Variants in SLC25A17 observed in about 807,000 individuals in gnomAD.
SLC25A17 encodes peroxisomal membrane protein PMP34.
A neutral mutation model predicts 38.5 loss-of-function variants in SLC25A17; 26 were observed. That is an observed-to-expected ratio of 0.68 (90% CI 0.50 to 0.94). The LOEUF (loss-of-function observed/expected upper bound fraction) is 0.94. Ranked by LOEUF, SLC25A17 falls within the 40% of genes least tolerant of loss-of-function variation. SLC25A17 has a pLI of 0.00. For synonymous variants in SLC25A17, 139 were observed against 136.2 expected, an observed-to-expected ratio of 1.02 and a Z score of -0.14; for missense variants, 333 against 372.7, an observed-to-expected ratio of 0.89 and a Z score of 0.88.
chr22:40,816,209 AAAG>A (rs1164532964), intron 1 of SLC25A17, among the ~76,000 whole-genome samples: 1 of 152,046 alleles, frequency 6.6e-6, no homozygotes, highest in African/African-American at 2.4e-5. Context: ...AAAAAAAAAA[AAAG>A]AAAGAAAGAA....
At chr22:40,812,804 C>A (rs985498222) in intron 1 of SLC25A17, among the ~76,000 whole-genome samples, 4 of 151,884 alleles carry the variant, frequency 2.6e-5, no homozygotes, top group African/African-American at 4.8e-5. Context: ...GAGATTGAGG[C>A]TGCAGTGAGC....
intron 4 of SLC25A17, among the ~76,000 whole-genome samples, chr22:40,781,315 G>A (rs896140303): frequency 2.7e-5 from 4 of 149,676 alleles, no homozygotes; most frequent in East Asian, 3.9e-4. Context: ...GTTCTATCTC[G>A]GCTCACTGCA....
rs1478959714 is a variant in SLC25A17, at chr22:40,789,896, C to A, written c.334+2629G>T. 6.6e-6 allele frequency among the ~76,000 whole-genome samples: 1 copy of A among 151,844 alleles called. No homozygotes were observed. Among genetic ancestry groups the A allele is most frequent in the Non-Finnish European group, 1.5e-5 (1 of 67,942 alleles). ...GCTCAAGTGATCCTCCTGCCTTGAC[C>A]TCCCAAACTGCTGGGATTACAGGGG... On this transcript the variant is annotated intron_variant, in intron 4 of 8. Transcript: ENST00000435456. This position sits in a 1 kb window ranked among gnomAD's most constrained non-coding sequence, Gnocchi z 4.5.
Position 40,770,993 on chromosome 22 carries a change from G to A in SLC25A17, c.777-12C>T, listed in dbSNP as rs1411037089. On this transcript the variant is annotated splice_polypyrimidine_tract_variant and intron_variant, in intron 8 of 8. Coordinates refer to ENST00000435456, the MANE Select transcript of SLC25A17 (RefSeq NM_006358.4). ...TTATTCCAAAACGTCTAAAGGGAAA[G>A]AGGTTTGAAAAAACAGAAGTCAGCT... 5 of 1,547,820 alleles carry A rather than the reference G, an allele frequency of 3.2e-6. No individual in the cohort carries two copies. The Admixed American group carries it at 7.5e-5, about 23-fold the overall frequency.
intron 1 of SLC25A17, among the ~76,000 whole-genome samples, chr22:40,812,258 A>G (rs1419242696): frequency 6.6e-6 from 1 of 151,070 alleles, no homozygotes; most frequent in African/African-American, 2.5e-5. Flanking sequence ...TAAAAAAAAA[A>G]GATGGTTTAT....
rs1014769080 is a variant in SLC25A17, at chr22:40,819,153, C to T, written c.54+42G>A. 2.5e-6 allele frequency: 4 copies of T among 1,610,426 alleles called. No individual in the cohort carries two copies. The African/African-American group carries it at 5.3e-5, about 22-fold the overall frequency. On this transcript the variant is annotated intron_variant, in intron 1 of 8. Transcript: ENST00000435456. ...ATCCCGGGACTGGCCCCCGAGAAGC[C>T]TTATAACCCGTTGCGGCCCGGGCGT...
chr22:40,780,325 T>A (rs1213979401), intron 4 of SLC25A17: 1 of 152,252 alleles, frequency 6.6e-6, no homozygotes, highest in Non-Finnish European at 1.5e-5. Context: ...CATCACCTAA[T>A]AATTTTATCA....
In SLC25A17 at chr22:40,779,194, G is replaced by A. The variant is rs753762171; in HGVS notation, c.335-69C>T. 3 of 1,610,628 alleles carry A rather than the reference G, an allele frequency of 1.9e-6. No homozygotes were observed. The African/African-American group carries it at 4.0e-5, about 22-fold the overall frequency. On this transcript the variant is annotated intron_variant, in intron 4 of 8. Transcript: ENST00000435456. Reference sequence around the variant, plus strand: ...AGCTTTTAAGCTTTGCTGCTTTAAAGCTACATACCAATATTCCATTTATAT... The same window carrying A: ...AGCTTTTAAGCTTTGCTGCTTTAAAACTACATACCAATATTCCATTTATAT...
In SLC25A17 at chr22:40,777,111, T is replaced by C. The variant is rs1200583049; in HGVS notation, c.622A>G (p.Ile208Val). 6.2e-7 allele frequency: 1 copy of C among 1,614,140 alleles called. No individual in the cohort carries two copies. Among genetic ancestry groups the C allele is most frequent in the Admixed American group, 1.7e-5 (1 of 60,002 alleles). Residue 208 changes from isoleucine (I) to valine (V), a missense_variant, in exon 7 of 9, where the codon ATT (isoleucine) becomes GTT (valine). Coordinates refer to ENST00000435456, the MANE Select transcript of SLC25A17 (RefSeq NM_006358.4). ...MKLSSLDVFI[I>V]GAVAKAIATT... is the part of the protein sequence containing the mutation. ...GCAATCGCTTTGGCTACTGCACCAA[T>C]GATGAACACATCCAAGGAAGAAAGC...
chr22:40,789,039 T>C lies in SLC25A17; in HGVS notation c.334+3486A>G. ...TGGACTTCTTCGTATTCTCATAGTA[T>C]GGGTTCCATCCTATGCTCACCACCA... On this transcript the variant is annotated intron_variant, in intron 4 of 8. Transcript: ENST00000435456. This position sits in a 1 kb window ranked among gnomAD's most constrained non-coding sequence, Gnocchi z 4.5. 1 of 302,172 alleles carries C rather than the reference T, an allele frequency of 3.3e-6. No individual in the cohort carries two copies. The allele number at this position is 302,172 out of a possible 1,614,324, so 18.7% of individuals were successfully genotyped here. A position where few individuals can be genotyped will look rare whatever the true frequency, so the allele number is the denominator to read the frequency against.
At chr22:40,801,036 G>A (rs1452513828) in intron 1 of SLC25A17, among the ~76,000 whole-genome samples, 5 of 140,724 alleles carry the variant, frequency 3.6e-5, no homozygotes, top group Admixed American at 2.1e-4. Flanking sequence ...CCAGGGAGAT[G>A]GAGGTTGCAG....
chr22:40,816,724 C>G (rs929289834), intron 1 of SLC25A17, among the ~76,000 whole-genome samples: 1 of 151,720 alleles, frequency 6.6e-6, no homozygotes, highest in African/African-American at 2.4e-5. Context: ...GATTCTCCTG[C>G]TTCAGCCTCC....
chr22:40,810,505 G>A (rs930569490), intron 1 of SLC25A17, among the ~76,000 whole-genome samples: 6 of 151,982 alleles, frequency 3.9e-5, no homozygotes, highest in South Asian at 2.1e-4. Context: ...GCGCCACTAC[G>A]CCCGGCTGAT....
chr22:40,814,105 C>T (rs2057610314), intron 1 of SLC25A17: 1 of 152,210 alleles, frequency 6.6e-6, no homozygotes, highest in African/African-American at 2.4e-5. Flanking sequence ...TCAAAAAGCA[C>T]TTTGACAACA....
chr22:40,806,525 C>T (rs2057531482), intron 1 of SLC25A17, among the ~76,000 whole-genome samples: 1 of 151,704 alleles, frequency 6.6e-6, no homozygotes. Flanking sequence ...TATGAAGGCT[C>T]TTCTATTTTG....
At position 40,772,871 on chromosome 22, in the gene SLC25A17, T is replaced by C. The variant is rs1368050715; in HGVS notation, c.776+1066A>G. Among the ~76,000 whole-genome samples the C allele has an allele frequency of 3.3e-5, 5 of 152,304 alleles. 1 individual carries two copies. In the South Asian group the frequency reaches 1.0e-3, roughly 32 times the overall value. On this transcript the variant is annotated intron_variant, in intron 8 of 8. Coordinates refer to ENST00000435456, the MANE Select transcript of SLC25A17 (RefSeq NM_006358.4). ...CCAGGCTGGTCTTGAACTCCTGGCC[T>C]CAAGCTATCCTCCTGTCTCAGCCTT... is the stretch of plus-strand genomic sequence containing the variant.
chr22:40,787,292 T>G (rs2057347085), intron 4 of SLC25A17, among the ~76,000 whole-genome samples: 1 of 152,196 alleles, frequency 6.6e-6, no homozygotes, highest in South Asian at 2.1e-4. Flanking sequence ...AGTCAAAGAC[T>G]CACAGATTGG....
At chr22:40,804,407 G>A (rs1479139461) in intron 1 of SLC25A17, among the ~76,000 whole-genome samples, 1 of 152,100 alleles carries the variant, frequency 6.6e-6, no homozygotes, top group Non-Finnish European at 1.5e-5. Flanking sequence ...TCTAATTGGG[G>A]TGAGGTGATA....
chr22:40,805,227 C>T (rs764943365), intron 1 of SLC25A17, among the ~76,000 whole-genome samples: 2 of 152,144 alleles, frequency 1.3e-5, no homozygotes, highest in African/African-American at 2.4e-5. Context: ...CCCAGCTACT[C>T]GGGAGGCTGA....
Sources: allele counts gnomAD v4.1 joint callset (sites outside exome capture counted in the v4.1 genomes callset), GRCh38; gene constraint gnomAD v4.1.1; non-coding constraint Gnocchi (gnomAD v3.1); transcripts MANE v1.5; gene names NCBI Gene and HGNC (gene_info 2026-07-23, HGNC 2026-07-21).